The following TAB2 variants were observed in gnomAD, a reference collection of about 807,000 sequenced individuals.
TAB2 encodes TGF-beta activated kinase 1 (MAP3K7) binding protein 2.
TAB2 carries 3 observed loss-of-function variants against 65.0 expected under a neutral mutation model. That is an observed-to-expected ratio of 0.05 (90% confidence interval 0.02 to 0.12). The LOEUF is 0.12. Ranked by LOEUF, TAB2 falls within the 10% of genes least tolerant of loss-of-function variation. The probability of loss-of-function intolerance (pLI) is 1.00; values close to 1 mark genes in which losing one functional copy is unlikely to be tolerated. For synonymous variants in TAB2, 298 were observed against 285.1 expected, an observed-to-expected ratio of 1.05 and a Z score of -0.46; for missense variants, 623 against 840.3, an observed-to-expected ratio of 0.74 and a Z score of 3.20.
In TAB2 at chr6:149,234,943, T is replaced by C. The variant is rs78892550; in HGVS notation, c.-121+16167T>C. Among the ~76,000 whole-genome samples the C allele has an allele frequency of 9.0e-4, 136 of 151,132 alleles. No homozygotes were observed. In the East Asian group the frequency reaches 0.025, roughly 28 times the overall value. On this transcript the variant is annotated intron_variant, in intron 1 of 1. Coordinates refer to the TAB2 transcript ENST00000606202. ...AGACCAAAAACAAAGGCATACCATG[T>C]AACAAGAATAAACACTAAGTGCCAC...
At chr6:149,218,647 G>A in exon 1 of TAB2, 1 of 412,776 alleles carries the variant, frequency 2.4e-6, no homozygotes, top group Non-Finnish European at 4.9e-6. Context: ...GCTCAGTGAG[G>A]TGAACTCCTT....
At chr6:149,236,724 C>T (rs1042232677) in intron 1 of TAB2, among the ~76,000 whole-genome samples, 1 of 152,144 alleles carries the variant, frequency 6.6e-6, no homozygotes, top group Non-Finnish European at 1.5e-5. Context: ...AGTTATCTGG[C>T]AATGCTGCAT....
chr6:149,357,430 A>AAAAAAAACACACACACACAC, intron 1 of TAB2, among the ~76,000 whole-genome samples: 47 of 111,182 alleles, frequency 4.2e-4, no homozygotes, highest in African/African-American at 1.4e-3. Flanking sequence ...AGAAAAAAAA[A>AAAAAAAACACACACACACAC]ACACACACAC....
intron 1 of TAB2, among the ~76,000 whole-genome samples, chr6:149,339,330 C>G (rs1286892212): frequency 6.6e-6 from 1 of 151,878 alleles, no homozygotes; most frequent in African/African-American, 2.4e-5. Flanking sequence ...GATCACACCA[C>G]TGCACTCCAG....
intron 3 of TAB2, among the ~76,000 whole-genome samples, chr6:149,381,960 C>T (rs529903005): frequency 6.6e-6 from 1 of 152,284 alleles, no homozygotes; most frequent in South Asian, 2.1e-4. Flanking sequence ...TACCCATTCT[C>T]GTCCTTGCCT....
At chr6:149,223,981 C>T (rs931788480) in intron 1 of TAB2, among the ~76,000 whole-genome samples, 3 of 152,092 alleles carry the variant, frequency 2.0e-5, no homozygotes, top group Admixed American at 2.0e-4. Context: ...TTGCTTGGCT[C>T]CTAGTAACCT....
chr6:149,372,198 G>A (rs1781251821), intron 2 of TAB2, among the ~76,000 whole-genome samples: 2 of 151,910 alleles, frequency 1.3e-5, no homozygotes, highest in Admixed American at 1.3e-4. Context: ...AAAAAATAGA[G>A]CACTCTAATG....
chr6:149,263,092 A>T (rs1231754766), intron 1 of TAB2, among the ~76,000 whole-genome samples: 3 of 152,162 alleles, frequency 2.0e-5, no homozygotes, highest in Non-Finnish European at 4.4e-5. Context: ...AGCATGAGCC[A>T]CCACACCTGG....
intron 1 of TAB2, among the ~76,000 whole-genome samples, chr6:149,242,434 T>A (rs1777618974): frequency 6.6e-6 from 1 of 152,192 alleles, no homozygotes; most frequent in Non-Finnish European, 1.5e-5. Flanking sequence ...TTTTTTCCTG[T>A]GAATTGTTAG....
chr6:149,219,680 A>C (rs1015168363), intron 1 of TAB2, among the ~76,000 whole-genome samples: 12 of 152,160 alleles, frequency 7.9e-5, no homozygotes, highest in African/African-American at 2.2e-4. Context: ...CACCCGCTGC[A>C]CCTTATGCAT....
At chr6:149,358,180 T>G (rs1420352566) in intron 1 of TAB2, among the ~76,000 whole-genome samples, 1 of 152,218 alleles carries the variant, frequency 6.6e-6, no homozygotes, top group Non-Finnish European at 1.5e-5. Context: ...GTTTCGGATT[T>G]TGGATTTTTT....
rs1777343366 is a variant in TAB2 at position 149,229,002 on chromosome 6, GA to G, written c.-121+10232del. Among the ~76,000 whole-genome samples the G allele has an allele frequency of 2.6e-5, 4 of 152,008 alleles. No individual in the cohort carries two copies. In the South Asian group the frequency reaches 8.3e-4, roughly 31 times the overall value. ...AACAACTCTTCTTGTTTGAGAAATG[GA>G]AAAAAGGGGGAAATAACCATTGGAA... On this transcript the variant is annotated intron_variant, in intron 1 of 1. Transcript: ENST00000606202.
At chr6:149,370,869 C>T (rs1040715333) in intron 2 of TAB2, among the ~76,000 whole-genome samples, 1 of 151,746 alleles carries the variant, frequency 6.6e-6, no homozygotes, top group African/African-American at 2.4e-5. Context: ...AGTTCAAGAG[C>T]AGCCTGGCCA....
At chr6:149,369,563 A>G (rs896104361) in intron 1 of TAB2, among the ~76,000 whole-genome samples, 2 of 152,202 alleles carry the variant, frequency 1.3e-5, no homozygotes, top group African/African-American at 4.8e-5. Context: ...TAGATTACTC[A>G]CCTTGGGATA....
chr6:149,321,154 C>T (rs557672357), intron 1 of TAB2: 1 of 152,224 alleles, frequency 6.6e-6, no homozygotes, highest in African/African-American at 2.4e-5. Flanking sequence ...TGTCTCTGAA[C>T]CTTTTCATAG....
At chr6:149,403,313 T>C (rs13202387) in intron 6 of TAB2, among the ~76,000 whole-genome samples, 6,406 of 66,378 alleles carry the variant, frequency 0.097, 394 homozygotes, top group African/African-American at 0.13. Context: ...TATATATATA[T>C]ACACACACAT....
At chr6:149,257,824 CA>C (rs1298064430) in intron 1 of TAB2, among the ~76,000 whole-genome samples, 2 of 150,836 alleles carry the variant, frequency 1.3e-5, no homozygotes, top group African/African-American at 2.5e-5. Context: ...AAGACAAGCA[CA>C]AGCGAGGGCA....
At chr6:149,377,172 C>A (rs1229941207) in intron 2 of TAB2, among the ~76,000 whole-genome samples, 1 of 151,294 alleles carries the variant, frequency 6.6e-6, no homozygotes, top group Non-Finnish European at 1.5e-5. Flanking sequence ...CAGGTTCACG[C>A]CATTCTCCTG....
At chr6:149,285,344 A>G (rs538966278) in intron 1 of TAB2, among the ~76,000 whole-genome samples, 11 of 152,318 alleles carry the variant, frequency 7.2e-5, no homozygotes, top group African/African-American at 2.6e-4. Flanking sequence ...CAAATACTTG[A>G]CAATTGTGCC....
Sources: allele counts gnomAD v4.1 joint callset (sites outside exome capture counted in the v4.1 genomes callset), GRCh38; gene constraint gnomAD v4.1.1; transcripts MANE v1.5; gene names NCBI Gene and HGNC (gene_info 2026-07-23, HGNC 2026-07-21).